The following PLCB1 variants were observed in gnomAD, a reference collection of about 807,000 sequenced individuals.
PLCB1 encodes the protein 1-phosphatidylinositol 4,5-bisphosphate phosphodiesterase beta-1.
In PLCB1, 46 loss-of-function variants were observed where a neutral mutation model predicts 161.8. The observed-to-expected ratio is 0.28, with a 90% confidence interval of 0.22 to 0.36. PLCB1 has a LOEUF of 0.36. Among genes scored for constraint, PLCB1 ranks in the 10% least tolerant of loss-of-function variants. The pLI is 1.00. For synonymous variants in PLCB1, 517 were observed against 503.7 expected (o/e 1.03, Z -0.35); for missense variants, 1,016 against 1,472.5 (o/e 0.69, Z 5.07).
At chr20:8,457,748 G>A (rs912106572) in intron 3 of PLCB1, among the ~76,000 whole-genome samples, 2 of 115,492 alleles carry the variant, frequency 1.7e-5, no homozygotes, top group Admixed American at 1.8e-4. Context: ...ACACACACAC[G>A]TACACACCAT....
chr20:8,523,654 A>G (rs985133184), intron 3 of PLCB1, among the ~76,000 whole-genome samples: 5 of 151,172 alleles, frequency 3.3e-5, no homozygotes, highest in African/African-American at 1.2e-4. Flanking sequence ...GGCCACAGAT[A>G]TGGTGTTAGT....
In PLCB1 at chr20:8,800,983, A is replaced by G. The variant is rs149413572; in HGVS notation, c.3423+10722A>G. ...TGCCACATGTACACACTCAAAATCT[A>G]TTCTCAACATGTCACCCAGAGGCAT... On this transcript the variant is annotated intron_variant, in intron 31 of 31. Transcript: ENST00000338037. Among the ~76,000 whole-genome samples, 4 of 152,244 alleles carry G rather than the reference A, an allele frequency of 2.6e-5. No homozygotes were observed. The East Asian group carries it at 5.8e-4, about 22-fold the overall frequency.
chr20:8,132,555 C>G lies in PLCB1; in HGVS notation c.-97C>G, dbSNP rs2051301991. The G allele has an allele frequency of 5.3e-5, 37 of 697,324 alleles. No homozygotes were observed. The South Asian group carries it at 9.5e-4, about 18-fold the overall frequency. The allele number at this position is 697,324 out of a possible 1,614,324, so 43.2% of individuals were successfully genotyped here. A position where few individuals can be genotyped will look rare whatever the true frequency, so the allele number is the denominator to read the frequency against. On this transcript the variant is annotated 5_prime_UTR_variant, in exon 1 of 32. Transcript: ENST00000338037. This position sits in a 1 kb window ranked among gnomAD's most constrained non-coding sequence, Gnocchi z 5.2. ...GGAGCAGAGTCGAGCGCCTCCGGAG[C>G]AGAGAAAGGAGCCCGCGCCCCGCGC... is the stretch of plus-strand genomic sequence containing the variant.
chr20:8,813,419 C>A (rs1984928889), intron 31 of PLCB1, among the ~76,000 whole-genome samples: 1 of 152,136 alleles, frequency 6.6e-6, no homozygotes, highest in South Asian at 2.1e-4. Flanking sequence ...CTTAAAATCT[C>A]AGAATATCTT....
At chr20:8,297,423 G>A (rs1174351114) in intron 2 of PLCB1, among the ~76,000 whole-genome samples, 1 of 151,948 alleles carries the variant, frequency 6.6e-6, no homozygotes, top group Non-Finnish European at 1.5e-5. Flanking sequence ...TCAATATCTG[G>A]AAATTAGCTG....
chr20:8,844,468 A>G (rs1383690798), intron 31 of PLCB1, among the ~76,000 whole-genome samples: 1 of 152,132 alleles, frequency 6.6e-6, no homozygotes, highest in Admixed American at 6.5e-5. Flanking sequence ...CTGTAATCCT[A>G]ATGCTTTGGG....
intron 5 of PLCB1, 76 bp downstream of exon 5, chr20:8,646,257 G>A (rs1217893072): frequency 2.1e-6 from 2 of 974,206 alleles, no homozygotes; most frequent in East Asian, 2.4e-5. Context: ...TGAGTCTTCC[G>A]TTTATGCCAT....
intron 31 of PLCB1, among the ~76,000 whole-genome samples, chr20:8,851,666 A>G (rs930577604): frequency 3.3e-5 from 5 of 150,798 alleles, no homozygotes; most frequent in African/African-American, 1.2e-4. Flanking sequence ...GCTGCTATCC[A>G]TCAGAAGTCA....
At chr20:8,159,988 C>CAAAAA (rs375028388) in intron 2 of PLCB1, among the ~76,000 whole-genome samples, 3 of 79,318 alleles carry the variant, frequency 3.8e-5, no homozygotes, top group Admixed American at 3.0e-4. Context: ...AACTCCATCT[C>CAAAAA]AAAAAAAAAA....
chr20:8,514,237 C>G (rs1011127054), intron 3 of PLCB1, among the ~76,000 whole-genome samples: 1 of 151,520 alleles, frequency 6.6e-6, no homozygotes, highest in Non-Finnish European at 1.5e-5. Flanking sequence ...CTCAGGAGTT[C>G]GAGACCAACC....
rs576240225 is a variant in PLCB1, at chr20:8,344,932, G to A, written c.178-26450G>A. On this transcript the variant is annotated intron_variant, in intron 2 of 31. Transcript: ENST00000338037. ...AGCACAATAGATGCAAATTTGGCACGCTGAAAGGAATTTTTGCCCCTTAAT... is the reference window on the plus strand; with the variant it reads ...AGCACAATAGATGCAAATTTGGCACACTGAAAGGAATTTTTGCCCCTTAAT... Among the ~76,000 whole-genome samples, 14 of 152,294 alleles carry A rather than the reference G, an allele frequency of 9.2e-5. No individual in the cohort carries two copies. The South Asian group carries it at 2.7e-3, about 29-fold the overall frequency.
At chr20:8,546,295 A>C (rs1194144023) in intron 3 of PLCB1, among the ~76,000 whole-genome samples, 1 of 148,226 alleles carries the variant, frequency 6.7e-6, no homozygotes, top group Non-Finnish European at 1.5e-5. Context: ...CCTGGATGAC[A>C]AGAACAAGAC....
intron 1 of PLCB1, among the ~76,000 whole-genome samples, chr20:8,141,020 A>G (rs1236802709): frequency 6.6e-6 from 1 of 151,544 alleles, no homozygotes; most frequent in Non-Finnish European, 1.5e-5. Flanking sequence ...CTGGTCTCAA[A>G]CTCCTGATGT....
intron 9 of PLCB1, among the ~76,000 whole-genome samples, chr20:8,663,190 A>G (rs1568551953): frequency 6.6e-6 from 1 of 151,720 alleles, no homozygotes; most frequent in Non-Finnish European, 1.5e-5. Context: ...TATATAACAT[A>G]TATATACACA....
chr20:8,863,198 A>G (rs6140779), intron 31 of PLCB1, among the ~76,000 whole-genome samples: 43,128 of 152,138 alleles, frequency 0.28, 7,414 homozygotes, highest in East Asian at 0.65. Context: ...AACAATCATT[A>G]GCTTCAAATT....
At chr20:8,823,800 C>A (rs775378176) in intron 31 of PLCB1, among the ~76,000 whole-genome samples, 17 of 152,194 alleles carry the variant, frequency 1.1e-4, no homozygotes, top group Admixed American at 2.0e-4. Context: ...AGGAATGCCT[C>A]TACCATCTCT....
chr20:8,826,506 A>AAAAAAG, intron 31 of PLCB1, among the ~76,000 whole-genome samples: 2 of 151,678 alleles, frequency 1.3e-5, no homozygotes, highest in African/African-American at 4.8e-5. Flanking sequence ...AAAAAAAAAA[A>AAAAAAG]AAAAGAAAAG....
chr20:8,417,073 ATTTTTTTT>A (rs3031852), intron 3 of PLCB1, among the ~76,000 whole-genome samples: 9,587 of 39,080 alleles, frequency 0.25, 1,061 homozygotes, highest in Middle Eastern at 0.4. Context: ...ATATATATAT[ATTTTTTTT>A]TTTTTTTTTT....
intron 1 of PLCB1, among the ~76,000 whole-genome samples, chr20:8,138,973 AAACT>A (rs980713153): frequency 1.0e-5 from 1 of 97,312 alleles, no homozygotes; most frequent in African/African-American, 3.7e-5. Context: ...ATTGAGTAAC[AAACT>A]ATTATATAAA....
Sources: allele counts gnomAD v4.1 joint callset (sites outside exome capture counted in the v4.1 genomes callset), GRCh38; gene constraint gnomAD v4.1.1; non-coding constraint Gnocchi (gnomAD v3.1); transcripts MANE v1.5; gene names NCBI Gene and HGNC (gene_info 2026-07-23, HGNC 2026-07-21).